SPINT2: variants seen among roughly 807,000 people sequenced by gnomAD.
The protein encoded by SPINT2 is kunitz-type protease inhibitor 2.
In SPINT2, 18 loss-of-function variants were observed where a neutral mutation model predicts 30.1. The observed-to-expected ratio is 0.60, with a 90% confidence interval of 0.41 to 0.89. The LOEUF (loss-of-function observed/expected upper bound fraction) is 0.89. Ranked by LOEUF, SPINT2 falls within the 40% of genes least tolerant of loss-of-function variation. The probability of loss-of-function intolerance (pLI) is 0.00; values close to 1 mark genes in which losing one functional copy is unlikely to be tolerated. For missense variants in SPINT2, 276 were observed against 334.3 expected, an observed-to-expected ratio of 0.83 and a Z score of 1.36; for synonymous variants, 139 against 137.9, an observed-to-expected ratio of 1.01 and a Z score of -0.05.
At position 38,291,011 on chromosome 19, in the gene SPINT2, TTGAGTTGCAGG is replaced by T. The variant is rs554219417; in HGVS notation, c.592+440_592+450del. ...AGGCCTCTGGCCTGTGTTTCTGAGC[TTGAGTTGCAGG>T]TGATAATGTTGGCACAAAAGACCTG... is the stretch of plus-strand genomic sequence containing the variant. On this transcript the variant is annotated intron_variant, in intron 6 of 6. Coordinates refer to ENST00000301244, the MANE Select transcript of SPINT2 (RefSeq NM_021102.4). 3.6e-4 allele frequency: 87 copies of T among 240,308 alleles called. 1 individual carries two copies. Among genetic ancestry groups the T allele is most frequent in the South Asian group, 3.3e-3 (59 of 17,986 alleles). 14.9% of individuals were successfully genotyped at this position (240,308 alleles called of 1,614,324 possible).
intron 1 of SPINT2, among the ~76,000 whole-genome samples, chr19:38,271,569 C>T (rs1968457042): frequency 6.6e-6 from 1 of 151,906 alleles, no homozygotes; most frequent in Admixed American, 6.6e-5. Flanking sequence ...TACAGTGGCT[C>T]ATGCCTGTAA....
chr19:38,264,777 G>T lies in SPINT2; in HGVS notation c.-116G>T. The T allele has an allele frequency of 1.8e-6, 2 of 1,136,826 alleles. No homozygotes were observed. Among genetic ancestry groups the T allele is most frequent in the Non-Finnish European group, 2.5e-6 (2 of 798,808 alleles). 70.4% of individuals were successfully genotyped at this position (1,136,826 alleles called of 1,614,324 possible). A position where few individuals can be genotyped will look rare whatever the true frequency, so the allele number is the denominator to read the frequency against. ...GGCACCTGGCGGACCCTCCCGGAGC[G>T]TCGGCACCTGAACGCGAGGCGCTCC... On this transcript the variant is annotated 5_prime_UTR_variant, in exon 1 of 7. Transcript: ENST00000301244.
At chr19:38,275,075 G>T (rs1273503857) in intron 1 of SPINT2, among the ~76,000 whole-genome samples, 1 of 152,180 alleles carries the variant, frequency 6.6e-6, no homozygotes, top group Non-Finnish European at 1.5e-5. Context: ...AGCTGATCCA[G>T]ATCTAGAAAA....
chr19:38,273,524 C>T (rs1968480619), intron 1 of SPINT2, among the ~76,000 whole-genome samples: 6 of 152,214 alleles, frequency 3.9e-5, no homozygotes, highest in Admixed American at 3.9e-4. Flanking sequence ...AAGATGCTCT[C>T]ATTCATTCCC....
At chr19:38,288,495 G>T (rs1968670820) in intron 3 of SPINT2, 2 of 213,330 alleles carry the variant, frequency 9.4e-6, no homozygotes. Flanking sequence ...GGCGCCTGGG[G>T]TGAGTGGTCC....
rs529118059 is a variant in SPINT2, at chr19:38,271,307, C to T, written c.106+6309C>T. Among the ~76,000 whole-genome samples, 449 of 146,938 alleles carry T rather than the reference C, an allele frequency of 3.1e-3. 2 individuals carry two copies. Among genetic ancestry groups the T allele is most frequent in the African/African-American group, 0.011 (436 of 39,666 alleles). ...GAGATCGAGACCATCCTGGCTAACA[C>T]GGTGAAAACCCGTTTCTACTAAAAA... On this transcript the variant is annotated intron_variant, in intron 1 of 6. Transcript: ENST00000301244.
At chr19:38,275,649 G>A (rs1248193499) in intron 1 of SPINT2, among the ~76,000 whole-genome samples, 2 of 151,780 alleles carry the variant, frequency 1.3e-5, no homozygotes, top group South Asian at 2.1e-4. Flanking sequence ...TCTTGAACTC[G>A]TGACCTCAAA....
At position 38,283,440 on chromosome 19, in the gene SPINT2, T is replaced by C. The variant is rs117196374; in HGVS notation, c.107-187T>C. Among the ~76,000 whole-genome samples the C allele has an allele frequency of 2.5e-3, 377 of 152,252 alleles. 9 individuals carry two copies. In the East Asian group the frequency reaches 0.048, roughly 19 times the overall value. Reference sequence around the variant, plus strand: ...GGTTGCTGTCTTTATTGTTGGGTGATGTGTTTATACAAGGAAGGAAGCACT... The same window carrying C: ...GGTTGCTGTCTTTATTGTTGGGTGACGTGTTTATACAAGGAAGGAAGCACT... On this transcript the variant is annotated intron_variant, in intron 1 of 6. Transcript: ENST00000301244.
At chr19:38,288,295 G>C in intron 3 of SPINT2, 1 of 396,172 alleles carries the variant, frequency 2.5e-6, no homozygotes, top group South Asian at 2.2e-5. Flanking sequence ...CTGTCTGCCT[G>C]TTCTGTCTCC....
At chr19:38,283,481 C>A in intron 1 of SPINT2, 146 bp from the exon 2 acceptor site, 1 of 964,112 alleles carries the variant, frequency 1.0e-6, no homozygotes, top group Non-Finnish European at 1.6e-6. Flanking sequence ...GGCCTGTTGA[C>A]GATCTGGGCT....
chr19:38,269,126 T>C (rs1968417458), intron 1 of SPINT2, among the ~76,000 whole-genome samples: 1 of 151,710 alleles, frequency 6.6e-6, no homozygotes, highest in African/African-American at 2.4e-5. Context: ...TGAGACGGAG[T>C]CTCTCTCATC....
intron 1 of SPINT2, 196 bp downstream of exon 1, chr19:38,265,194 C>A: frequency 3.7e-6 from 2 of 544,126 alleles, no homozygotes; most frequent in South Asian, 2.2e-5. Context: ...CGAAGACGGG[C>A]GGAGGAGCGA....
Position 38,269,068 on chromosome 19 carries a change from G to A in SPINT2, c.106+4070G>A, listed in dbSNP as rs148422266. On this transcript the variant is annotated intron_variant, in intron 1 of 6. Coordinates refer to ENST00000301244, the MANE Select transcript of SPINT2 (RefSeq NM_021102.4). ...TGTGTTAATGGTTACTTGGCTTAAG[G>A]TCTTTTGTTTTTGTTTTTGTTTGTT... Among the ~76,000 whole-genome samples, 1,303 of 152,072 alleles carry A rather than the reference G, an allele frequency of 8.6e-3. 18 individuals are homozygous for A. Among genetic ancestry groups the A allele is most frequent in the Middle Eastern group, 0.02 (6 of 294 alleles).
chr19:38,275,770 G>A (rs1254254154), intron 1 of SPINT2, among the ~76,000 whole-genome samples: 2 of 136,732 alleles, frequency 1.5e-5, no homozygotes, highest in Non-Finnish European at 3.1e-5. Flanking sequence ...TTTCACTCTT[G>A]TTGCCCAGGC....
At chr19:38,266,219 C>T (rs2146263476) in intron 1 of SPINT2, among the ~76,000 whole-genome samples, 1 of 152,126 alleles carries the variant, frequency 6.6e-6, no homozygotes. Flanking sequence ...GAGGGGAGGA[C>T]TGGAGGAGGA....
intron 1 of SPINT2, among the ~76,000 whole-genome samples, chr19:38,269,385 GA>G: frequency 7.0e-6 from 1 of 142,768 alleles, no homozygotes. Context: ...ACTTATTTGA[GA>G]ACCTCTCCTG....
At chr19:38,277,937 A>G (rs1056977341) in intron 1 of SPINT2, among the ~76,000 whole-genome samples, 5 of 152,168 alleles carry the variant, frequency 3.3e-5, no homozygotes, top group African/African-American at 1.2e-4. Context: ...CGTTTTGAAA[A>G]CATACAGAAT....
chr19:38,288,201 G>A (rs1968666045), intron 3 of SPINT2, among the ~76,000 whole-genome samples: 1 of 152,162 alleles, frequency 6.6e-6, no homozygotes, highest in Admixed American at 6.5e-5. Flanking sequence ...TGGGATGGAG[G>A]TGGCTGCTGC....
intron 1 of SPINT2, among the ~76,000 whole-genome samples, chr19:38,277,601 A>C (rs1296641802): frequency 6.6e-6 from 1 of 152,202 alleles, no homozygotes; most frequent in African/African-American, 2.4e-5. Flanking sequence ...TCTATCCAGC[A>C]GACTGTAGAT....
Sources: gnomAD v4.1 joint callset for allele counts (sites outside exome capture counted in the v4.1 genomes callset) on GRCh38, gnomAD v4.1.1 for gene constraint, MANE v1.5 for transcripts, NCBI Gene and HGNC (gene_info 2026-07-23, HGNC 2026-07-21) for gene names.